TRDN: variants seen among roughly 807,000 people sequenced by gnomAD.
TRDN encodes triadin in skeletal muscle.
A neutral mutation model predicts 149.7 loss-of-function variants in TRDN; 161 were observed. The ratio of observed to expected loss-of-function variants is 1.08; its 90% CI spans 0.95 to 1.23. The LOEUF (loss-of-function observed/expected upper bound fraction) is 1.23, where lower values mean the gene tolerates loss of function less well. Ranked by LOEUF, TRDN falls within the 50% of genes most tolerant of loss-of-function variation. TRDN has a pLI of 0.00. For missense variants in TRDN, 896 were observed against 823.5 expected (o/e 1.09, Z -1.08); for synonymous variants, 294 against 250.5 (o/e 1.17, Z -1.64).
chr6:123,278,170 A>AAT (rs1777444404), intron 26 of TRDN, 148 bp downstream of exon 26: 1 of 511,278 alleles, frequency 2.0e-6, no homozygotes, highest in Non-Finnish European at 3.1e-6. Flanking sequence ...AGCATAGAGA[A>AAT]ATATATATTT....
chr6:123,623,374 C>T (rs556193032), intron 1 of TRDN, among the ~76,000 whole-genome samples: 13 of 152,068 alleles, frequency 8.5e-5, no homozygotes, highest in African/African-American at 2.9e-4. Flanking sequence ...TTGAAGCTAC[C>T]ACTAGCATCT....
chr6:123,522,438 G>T (rs1331433444), intron 5 of TRDN, among the ~76,000 whole-genome samples: 1 of 2,882 alleles, frequency 3.5e-4, no homozygotes, highest in Admixed American at 4.4e-3. Flanking sequence ...ACAACTACAT[G>T]GGGGGGGAAA....
intron 21 of TRDN, chr6:123,349,507 G>T: frequency 1.1e-6 from 1 of 897,716 alleles, no homozygotes; most frequent in Non-Finnish European, 1.3e-6. Context: ...ATTTATTGAG[G>T]GTCAACAGCA....
At chr6:123,438,574 T>C (rs1774712673) in intron 11 of TRDN, among the ~76,000 whole-genome samples, 1 of 152,048 alleles carries the variant, frequency 6.6e-6, no homozygotes, top group Non-Finnish European at 1.5e-5. Context: ...AACAAACCAA[T>C]CAAGTATTTT....
At chr6:123,356,128 C>T (rs1780659780) in intron 20 of TRDN, among the ~76,000 whole-genome samples, 1 of 151,584 alleles carries the variant, frequency 6.6e-6, no homozygotes, top group Admixed American at 6.6e-5. Flanking sequence ...TCTCATTTTA[C>T]TGCACTGGAT....
intron 1 of TRDN, among the ~76,000 whole-genome samples, chr6:123,586,654 TAAG>T (rs1189948289): frequency 5.3e-5 from 8 of 152,104 alleles, no homozygotes; most frequent in Middle Eastern, 3.4e-3. Flanking sequence ...CAGAAGAAAA[TAAG>T]ACACTTAGAT....
At chr6:123,382,887 T>C (rs796343870) in intron 14 of TRDN, among the ~76,000 whole-genome samples, 2 of 152,188 alleles carry the variant, frequency 1.3e-5, no homozygotes, top group African/African-American at 2.4e-5. Flanking sequence ...CTCATTTGTT[T>C]TAAGATTGAA....
intron 4 of TRDN, among the ~76,000 whole-genome samples, chr6:123,531,924 G>C (rs1780271597): frequency 6.6e-6 from 1 of 151,990 alleles, no homozygotes; most frequent in Non-Finnish European, 1.5e-5. Flanking sequence ...CTACCTTTTA[G>C]ATGCCAGTAG....
chr6:123,290,692 G>A (rs1378294223), intron 24 of TRDN, among the ~76,000 whole-genome samples: 1 of 152,180 alleles, frequency 6.6e-6, no homozygotes, highest in Non-Finnish European at 1.5e-5. Flanking sequence ...TGTCTGCTGG[G>A]CAGTTCAGGA....
At chr6:123,558,505 A>G (rs770946464) in intron 2 of TRDN, among the ~76,000 whole-genome samples, 6 of 152,088 alleles carry the variant, frequency 3.9e-5, no homozygotes, top group South Asian at 2.1e-4. Context: ...TTTATCCCAA[A>G]TCAGTCAGCA....
At chr6:123,579,762 G>A (rs1002802371) in intron 1 of TRDN, among the ~76,000 whole-genome samples, 3 of 152,096 alleles carry the variant, frequency 2.0e-5, no homozygotes, top group Admixed American at 1.3e-4. Context: ...TCAAGAGAGA[G>A]ACCAGGTGGA....
At chr6:123,503,613 AT>A (rs762878687) in intron 8 of TRDN, 105 bp downstream of exon 8, 1 of 1,541,392 alleles carries the variant, frequency 6.5e-7, no homozygotes, top group Non-Finnish European at 8.7e-7. Context: ...TTTTACCCCC[AT>A]TTGAAGTCTG....
chr6:123,382,360 CTT>C (rs1401770688), intron 14 of TRDN, among the ~76,000 whole-genome samples: 1 of 150,846 alleles, frequency 6.6e-6, no homozygotes, highest in African/African-American at 2.4e-5. Context: ...TATAAAATAT[CTT>C]ATATTAATAA....
At chr6:123,623,077 A>C (rs1785478818) in intron 1 of TRDN, among the ~76,000 whole-genome samples, 1 of 152,114 alleles carries the variant, frequency 6.6e-6, no homozygotes, top group African/African-American at 2.4e-5. Flanking sequence ...ACAGAAAATA[A>C]GTCATCACCT....
chr6:123,497,121 G>T, intron 9 of TRDN, 72 bp downstream of exon 9: 4 of 1,168,346 alleles, frequency 3.4e-6, no homozygotes, highest in Non-Finnish European at 4.7e-6. Context: ...ATACAGTTAG[G>T]TACATAAAAA....
chr6:123,561,024 T>G (rs1346708164), intron 2 of TRDN, among the ~76,000 whole-genome samples: 1 of 152,178 alleles, frequency 6.6e-6, no homozygotes, highest in African/African-American at 2.4e-5. Flanking sequence ...CAAATTGACT[T>G]TACTCACATG....
rs559470936 is a variant in TRDN, at chr6:123,279,286, A to G, written c.1511-204T>C. 5.3e-5 allele frequency among the ~76,000 whole-genome samples: 8 copies of G among 152,232 alleles called. No individual in the cohort carries two copies. In the South Asian group the frequency reaches 1.7e-3, roughly 32 times the overall value. ...TTGGCAAACTTTTTCTGTAACTGTCAGATAGTGTATATTTTCAGGTTTTAG... is the reference window on the plus strand; with the variant it reads ...TTGGCAAACTTTTTCTGTAACTGTCGGATAGTGTATATTTTCAGGTTTTAG... On this transcript the variant is annotated intron_variant, in intron 24 of 40. Coordinates refer to ENST00000334268, the MANE Select transcript of TRDN (RefSeq NM_006073.4).
At chr6:123,262,565 T>C (rs975195553) in intron 33 of TRDN, among the ~76,000 whole-genome samples, 3 of 152,082 alleles carry the variant, frequency 2.0e-5, no homozygotes, top group African/African-American at 4.8e-5. Context: ...ATAAATGTAA[T>C]ACAGGCATAC....
chr6:123,396,644 C>T (rs531140668), intron 12 of TRDN, among the ~76,000 whole-genome samples: 50 of 152,090 alleles, frequency 3.3e-4, no homozygotes, highest in African/African-American at 1.1e-3. Flanking sequence ...CTGAAACATG[C>T]GGTATTTATA....
Sources: gnomAD v4.1 joint callset for allele counts (sites outside exome capture counted in the v4.1 genomes callset) on GRCh38, gnomAD v4.1.1 for gene constraint, MANE v1.5 for transcripts, NCBI Gene and HGNC (gene_info 2026-07-23, HGNC 2026-07-21) for gene names.